Variants in GORASP2 observed in about 807,000 individuals in gnomAD.
GORASP2 encodes the protein Golgi reassembly-stacking protein 2.
In GORASP2, 22 loss-of-function variants were observed where a neutral mutation model predicts 45.7. The observed-to-expected ratio is 0.48, with a 90% CI of 0.34 to 0.69. The LOEUF is 0.69. Among genes scored for constraint, GORASP2 ranks in the 30% least tolerant of loss-of-function variants. The pLI is 0.01. For synonymous variants in GORASP2, 221 were observed against 215.6 expected, an observed-to-expected ratio of 1.02 and a Z score of -0.22; for missense variants, 491 against 562.7, an observed-to-expected ratio of 0.87 and a Z score of 1.29.
At chr2:170,939,566 T>C (rs1704027163) in intron 1 of GORASP2, among the ~76,000 whole-genome samples, 1 of 152,234 alleles carries the variant, frequency 6.6e-6, no homozygotes, top group Non-Finnish European at 1.5e-5. Flanking sequence ...AGTGGTAGAT[T>C]GTTCTGTTTT....
At chr2:170,943,377 C>G (rs190881685) in intron 1 of GORASP2, among the ~76,000 whole-genome samples, 69 of 152,268 alleles carry the variant, frequency 4.5e-4, no homozygotes, top group African/African-American at 1.5e-3. Flanking sequence ...AAGACTTACC[C>G]TCAGATGGTG....
intron 1 of GORASP2, chr2:170,930,086 T>C (rs1703783127): frequency 4.6e-6 from 1 of 216,798 alleles, no homozygotes. Flanking sequence ...GTTTAGATTA[T>C]AAGGTTTAGA....
chr2:170,929,662 G>GT, intron 1 of GORASP2: 1 of 613,804 alleles, frequency 1.6e-6, no homozygotes, highest in Admixed American at 2.3e-5. Context: ...CTCGGCCAGG[G>GT]GGCGGCCCTG....
chr2:170,949,704 A>T lies in GORASP2; in HGVS notation c.310A>T (p.Ser104Cys). The change falls in exon 3 of 10, where the codon AGC becomes TGC. Residue 104 changes from serine (S) to cysteine (C), a missense_variant. By Grantham distance (112) the Ser-to-Cys change is moderately radical. This residue lies in a region of GORASP2 where 194 missense variants were observed against 270.4 expected (regional missense o/e 0.72). Coordinates refer to ENST00000234160, the MANE Select transcript of GORASP2 (RefSeq NM_015530.5). ...GLLGVSIRFC[S>C]FDGANENVWH... ...ATTGGGAGTGAGCATTCGTTTCTGCAGCTTTGATGGGGCAAATGAAAATGT... is the reference window on the plus strand; with the variant it reads ...ATTGGGAGTGAGCATTCGTTTCTGCTGCTTTGATGGGGCAAATGAAAATGT... 2.5e-6 allele frequency: 4 copies of T among 1,614,110 alleles called. No homozygotes were observed.
At chr2:170,956,183 C>T (rs1704423510) in intron 6 of GORASP2, among the ~76,000 whole-genome samples, 1 of 152,124 alleles carries the variant, frequency 6.6e-6, no homozygotes, top group South Asian at 2.1e-4. Flanking sequence ...TGAAGAACAG[C>T]ATGTGCAACT....
Position 170,965,920 on chromosome 2 carries a change from G to T in GORASP2, c.1149G>T (p.Leu383=). The change falls in exon 10 of 10, where the codon CTG becomes CTT. Residue 383 remains leucine, a synonymous_variant. Coordinates refer to ENST00000234160, the MANE Select transcript of GORASP2 (RefSeq NM_015530.5). The part of the protein sequence containing the change: ...ESSSAASSGE[L]LSSLPPTSNA... ...CTTCTGCAGCAAGCTCAGGAGAGCT[G>T]CTGTCTTCCCTCCCGCCCACCAGCA... 2 of 1,613,886 alleles carry T rather than the reference G, an allele frequency of 1.2e-6. No homozygotes were observed. Among genetic ancestry groups the T allele is most frequent in the Non-Finnish European group, 1.7e-6 (2 of 1,179,908 alleles).
chr2:170,961,707 C>T lies in GORASP2; in HGVS notation c.868C>T (p.Leu290Phe), dbSNP rs1327788975. 2 of 1,602,652 alleles carry T rather than the reference C, an allele frequency of 1.2e-6. No homozygotes were observed. The highest frequency in any genetic ancestry group is 2.2e-5 in the East Asian group (1 of 44,818). Residue 290 changes from leucine to phenylalanine, a missense_variant, in exon 8 of 10, where the codon CTC (leucine) becomes TTC (phenylalanine). By Grantham distance (22) the Leu-to-Phe change is conservative. Around this residue, in one of 2 missense-constraint regions of GORASP2, gnomAD observed 297 missense variants for 292.3 expected, o/e 1.02. Transcript: ENST00000234160. ...PLLPPQVNQS[L>F]TSVPPMNPAT... ...ATTGCCACCACAAGTAAACCAGTCC[C>T]TCACTTCTGTGCCACCAATGAATCC... is the stretch of plus-strand genomic sequence containing the variant.
intron 7 of GORASP2, among the ~76,000 whole-genome samples, chr2:170,960,396 CT>C (rs1173381277): frequency 1.2e-4 from 19 of 152,222 alleles, no homozygotes; most frequent in African/African-American, 4.3e-4. Context: ...CACAGACCCC[CT>C]GAAGCCCACT....
intron 1 of GORASP2, among the ~76,000 whole-genome samples, chr2:170,933,813 A>T (rs1703882791): frequency 6.6e-6 from 1 of 152,144 alleles, no homozygotes; most frequent in Admixed American, 6.5e-5. Flanking sequence ...ATTCTTTCTC[A>T]TGCTTGCTTC....
At chr2:170,932,188 T>C (rs1204039424) in intron 1 of GORASP2, among the ~76,000 whole-genome samples, 8 of 152,180 alleles carry the variant, frequency 5.3e-5, no homozygotes, top group African/African-American at 1.9e-4. Flanking sequence ...GATTGTGCCA[T>C]TGCACTCTAG....
intron 1 of GORASP2, among the ~76,000 whole-genome samples, chr2:170,930,665 C>G (rs1347242072): frequency 6.6e-6 from 1 of 151,440 alleles, no homozygotes; most frequent in Non-Finnish European, 1.5e-5. Flanking sequence ...TTTTTTTCCC[C>G]GAAAGGAAAA....
At chr2:170,948,132 A>C (rs1298685989) in intron 1 of GORASP2, among the ~76,000 whole-genome samples, 4 of 152,212 alleles carry the variant, frequency 2.6e-5, no homozygotes, top group African/African-American at 4.8e-5. Flanking sequence ...TCAAAGAAAT[A>C]AAATAAAAAT....
intron 1 of GORASP2, among the ~76,000 whole-genome samples, chr2:170,944,633 T>G (rs1263597035): frequency 6.6e-6 from 1 of 152,206 alleles, no homozygotes; most frequent in East Asian, 1.9e-4. Context: ...AAGTTTATAC[T>G]TTAAACTTTA....
At chr2:170,940,410 C>T (rs1312752284) in intron 1 of GORASP2, among the ~76,000 whole-genome samples, 1 of 152,164 alleles carries the variant, frequency 6.6e-6, no homozygotes, top group Non-Finnish European at 1.5e-5. Flanking sequence ...TGCCATTCCT[C>T]CCTCCCCCAA....
intron 1 of GORASP2, among the ~76,000 whole-genome samples, chr2:170,935,377 C>T (rs770934824): frequency 5.9e-5 from 9 of 152,062 alleles, no homozygotes; most frequent in Non-Finnish European, 1.0e-4. Context: ...GCCTCAGCCT[C>T]CCAAGTGGCT....
intron 4 of GORASP2, 119 bp from the exon 5 acceptor site, chr2:170,951,209 A>G (rs1704291774): frequency 1.6e-5 from 11 of 677,224 alleles, no homozygotes; most frequent in Non-Finnish European, 2.7e-5. Flanking sequence ...TGTCTGGGGC[A>G]GGGCCCAGAA....
At chr2:170,944,909 G>C (rs1166415414) in intron 1 of GORASP2, among the ~76,000 whole-genome samples, 1 of 152,092 alleles carries the variant, frequency 6.6e-6, no homozygotes, top group Non-Finnish European at 1.5e-5. Flanking sequence ...GGCGCCTGAG[G>C]ATCTGTGCTG....
At chr2:170,957,273 C>T (rs1241904904) in intron 7 of GORASP2, among the ~76,000 whole-genome samples, 8 of 151,994 alleles carry the variant, frequency 5.3e-5, no homozygotes, top group Non-Finnish European at 8.8e-5. Flanking sequence ...TGCCTGTCTC[C>T]TTCCTTTTCT....
In GORASP2 at chr2:170,949,626, G is replaced by C. The variant is rs988675264; in HGVS notation, c.232G>C (p.Glu78Gln). The stretch of plus-strand genomic sequence containing the variant: ...GCTTATCTATAGCAGCAAAACATTG[G>C]AACTGCGAGAGACCTCAGTCACACC... ...KMLIYSSKTL[E>Q]LRETSVTPSN... is the part of the protein sequence containing the mutation. The change falls in exon 3 of 10, where the codon GAA becomes CAA. Residue 78 changes from glutamate (E) to glutamine (Q), a missense_variant. By Grantham distance (29) the Glu-to-Gln change is conservative. Transcript: ENST00000234160. 6.2e-7 allele frequency: 1 copy of C among 1,614,010 alleles called. No individual in the cohort carries two copies. Among genetic ancestry groups the C allele is most frequent in the Non-Finnish European group, 8.5e-7 (1 of 1,179,878 alleles).
Sources: gnomAD v4.1 joint callset for allele counts (sites outside exome capture counted in the v4.1 genomes callset) on GRCh38, gnomAD v4.1.1 for gene constraint, gnomAD v4.1.1 regional missense constraint, MANE v1.5 for transcripts, NCBI Gene and HGNC (gene_info 2026-07-23, HGNC 2026-07-21) for gene names.